The following PCM1 variants were observed in gnomAD, a reference collection of about 807,000 sequenced individuals.
The protein encoded by PCM1 is pericentriolar material 1 protein.
A neutral mutation model predicts 241.9 loss-of-function variants in PCM1; 157 were observed. That is an observed-to-expected ratio of 0.65 (90% confidence interval 0.57 to 0.74). The LOEUF is 0.74. PCM1 is among the 30% of genes least tolerant of loss of function. The probability of loss-of-function intolerance (pLI) is 0.00; values close to 1 mark genes in which losing one functional copy is unlikely to be tolerated. For synonymous variants in PCM1, 1,085 were observed against 784.9 expected, an observed-to-expected ratio of 1.38 and a Z score of -6.39; for missense variants, 3,478 against 2,360.1, an observed-to-expected ratio of 1.47 and a Z score of -9.81.
chr8:17,997,302 G>A (rs1344945564), intron 29 of PCM1, among the ~76,000 whole-genome samples: 2 of 152,044 alleles, frequency 1.3e-5, no homozygotes, highest in Non-Finnish European at 2.9e-5. Flanking sequence ...CTTTTCTCTT[G>A]CTGCTTTTAG....
At chr8:17,931,293 A>AT (rs1181905367) in intron 2 of PCM1, among the ~76,000 whole-genome samples, 1 of 151,758 alleles carries the variant, frequency 6.6e-6, no homozygotes, top group Non-Finnish European at 1.5e-5. Context: ...CTCCAGATAT[A>AT]TTCTTTTTTT....
chr8:18,004,082 T>C (rs922045763), intron 29 of PCM1, among the ~76,000 whole-genome samples: 10 of 152,164 alleles, frequency 6.6e-5, no homozygotes, highest in Admixed American at 3.9e-4. Flanking sequence ...ATCCTTATGC[T>C]TAGGGAGTGC....
At position 18,025,392 on chromosome 8, in the gene PCM1, C is replaced by G; in HGVS notation, c.5873C>G (p.Ser1958Cys). ...EAESGNISQKSDEEDFVKVED... is the reference protein window; with the variant it reads ...EAESGNISQKCDEEDFVKVED... The stretch of plus-strand genomic sequence containing the variant: ...GAATCTGGTAATATAAGTCAAAAGT[C>G]TGATGAAGAAGATTTTGTAAAAGTT... The change falls in exon 37 of 39, where the codon TCT becomes TGT. Residue 1958 changes from serine (S) to cysteine (C), a missense_variant. Coordinates refer to ENST00000325083, the MANE Select transcript of PCM1 (RefSeq NM_006197.4). 1 of 1,600,762 alleles carries G rather than the reference C, an allele frequency of 6.2e-7. No individual in the cohort carries two copies. The highest frequency in any genetic ancestry group is 8.5e-7 in the Non-Finnish European group (1 of 1,171,494).
In PCM1 at chr8:17,960,527, G is replaced by GTTTTTGTT; in HGVS notation, c.2322+88_2322+89insGTTTTTTT. The GTTTTTGTT allele has an allele frequency of 3.1e-5, 13 of 412,964 alleles. 1 individual carries two copies. The East Asian group carries it at 4.0e-4, about 13-fold the overall frequency. The allele number at this position is 412,964 out of a possible 1,614,324, so 25.6% of individuals were successfully genotyped here. The stretch of plus-strand genomic sequence containing the variant: ...ACTGAAAGTACTCTTTTTTGTTTTT[G>GTTTTTGTT]TTTTTCTTTTTTTTTGAGGCAGAGT... On this transcript the variant is annotated intron_variant, in intron 15 of 38. Coordinates refer to ENST00000325083, the MANE Select transcript of PCM1 (RefSeq NM_006197.4).
intron 7 of PCM1, among the ~76,000 whole-genome samples, chr8:17,948,104 T>C (rs1015239259): frequency 3.2e-4 from 49 of 152,224 alleles, no homozygotes; most frequent in African/African-American, 1.1e-3. Context: ...ACTGTCTGCT[T>C]TTAGTAATAA....
At chr8:17,935,758 C>A in intron 3 of PCM1, 52 bp downstream of exon 3, 2 of 867,032 alleles carry the variant, frequency 2.3e-6, no homozygotes, top group Non-Finnish European at 3.9e-6. Flanking sequence ...TGTTAAAATG[C>A]AGTTTTCCCC....
chr8:18,017,734 A>T (rs576933), intron 36 of PCM1, among the ~76,000 whole-genome samples: 118,771 of 152,154 alleles, frequency 0.78, 46,928 homozygotes, highest in African/African-American at 0.85. Context: ...ATGCCTGTAA[A>T]CCCAGCTACA....
chr8:17,966,941 T>C, intron 20 of PCM1, 39 bp from the exon 21 acceptor site: 1 of 1,526,976 alleles, frequency 6.5e-7, no homozygotes, highest in Non-Finnish European at 8.9e-7. Flanking sequence ...TATATGGCAA[T>C]ATAACTGATT....
rs200391906 is a variant in PCM1, at chr8:18,014,662, A to G, written c.5663A>G (p.His1888Arg). The G allele has an allele frequency of 6.9e-5, 111 of 1,613,882 alleles. No individual in the cohort carries two copies. Among genetic ancestry groups the G allele is most frequent in the Admixed American group, 2.0e-4 (12 of 60,018 alleles). ...EDEQPLNSAA[H>R]KESPPTVDST... ...GAGCAACCTTTAAATAGTGCTGCCCATAAGGAGTCACCTCCTACTGTTGAT... is the reference window on the plus strand; with the variant it reads ...GAGCAACCTTTAAATAGTGCTGCCCGTAAGGAGTCACCTCCTACTGTTGAT... The change falls in exon 36 of 39, where the codon CAT becomes CGT. Residue 1888 changes from histidine to arginine, a missense_variant. Coordinates refer to ENST00000325083, the MANE Select transcript of PCM1 (RefSeq NM_006197.4).
intron 23 of PCM1, among the ~76,000 whole-genome samples, chr8:17,979,707 A>T (rs1037210507): frequency 6.6e-6 from 1 of 152,222 alleles, no homozygotes; most frequent in Non-Finnish European, 1.5e-5. Flanking sequence ...GCATAAGATT[A>T]TTAAATACCA....
chr8:17,999,925 C>T (rs1282707404), intron 29 of PCM1, among the ~76,000 whole-genome samples: 1 of 152,054 alleles, frequency 6.6e-6, no homozygotes. Context: ...TAGCAGTGAA[C>T]AAGGCCTTTG....
rs768306380 is a variant in PCM1 at position 17,957,690 on chromosome 8, A to T, written c.1955A>T (p.Asp652Val). Residue 652 changes from aspartate (D) to valine (V), a missense_variant, in exon 13 of 39, where the codon GAT becomes GTT. Physicochemically the swap from Asp to Val is radical, Grantham distance 152 (BLOSUM62 -3). Coordinates refer to ENST00000325083, the MANE Select transcript of PCM1 (RefSeq NM_006197.4). ...RSSLVDEHPEDAEFEQKINRL... is the reference protein window; with the variant it reads ...RSSLVDEHPEVAEFEQKINRL... ...AGTCTGGTTGATGAGCATCCAGAAG[A>T]TGCTGAATTTGAACAGAAGATCAAC... The T allele has an allele frequency of 1.2e-6, 2 of 1,612,526 alleles. No individual in the cohort carries two copies. The highest frequency in any genetic ancestry group is 1.7e-6 in the Non-Finnish European group (2 of 1,179,210).
intron 34 of PCM1, 174 bp from the exon 35 acceptor site, chr8:18,013,790 T>G: frequency 1.8e-6 from 1 of 557,126 alleles, no homozygotes. Flanking sequence ...ACCCTTTAAC[T>G]TAGCCATCTT....
chr8:17,998,972 T>C (rs1188080873), intron 29 of PCM1, among the ~76,000 whole-genome samples: 3 of 152,056 alleles, frequency 2.0e-5, no homozygotes, highest in Admixed American at 1.3e-4. Flanking sequence ...TCTGCTAATA[T>C]TCATTTAAAG....
chr8:17,933,208 G>A (rs189252795), intron 2 of PCM1, among the ~76,000 whole-genome samples: 33 of 152,234 alleles, frequency 2.2e-4, no homozygotes, highest in Non-Finnish European at 2.6e-4. Context: ...AATAAAATGC[G>A]TTAGCTGTTA....
Position 17,931,656 on chromosome 8 carries a change from C to T in PCM1, c.-22-3933C>T, listed in dbSNP as rs563476500. On this transcript the variant is annotated intron_variant, in intron 2 of 38. Transcript: ENST00000325083. Reference sequence around the variant, plus strand: ...TAAAAATGATATGTAATAATTTTGACTTAAATATCTTAATTTTCCCTTCCA... The same window carrying T: ...TAAAAATGATATGTAATAATTTTGATTTAAATATCTTAATTTTCCCTTCCA... Among the ~76,000 whole-genome samples, 37 of 152,238 alleles carry T rather than the reference C, an allele frequency of 2.4e-4. 1 individual carries two copies. The East Asian group carries it at 7.1e-3, about 29-fold the overall frequency.
intron 28 of PCM1, among the ~76,000 whole-genome samples, chr8:17,992,579 A>T (rs1326353070): frequency 1.4e-5 from 2 of 144,456 alleles, no homozygotes; most frequent in African/African-American, 5.0e-5. Flanking sequence ...TTTTGAGAGG[A>T]GTTGTCTATA....
At chr8:18,002,311 G>A (rs1229015813) in intron 29 of PCM1, among the ~76,000 whole-genome samples, 2 of 4,262 alleles carry the variant, frequency 4.7e-4, no homozygotes, top group Non-Finnish European at 9.1e-4. Flanking sequence ...ACCTATGAGT[G>A]AGAATATGCG....
At chr8:18,024,216 A>AG (rs2093984086) in intron 36 of PCM1, among the ~76,000 whole-genome samples, 1 of 152,166 alleles carries the variant, frequency 6.6e-6, no homozygotes, top group Non-Finnish European at 1.5e-5. Flanking sequence ...AAAATTAAAA[A>AG]TTAGCCAGGC....
Sources: allele counts gnomAD v4.1 joint callset (sites outside exome capture counted in the v4.1 genomes callset), GRCh38; gene constraint gnomAD v4.1.1; transcripts MANE v1.5; gene names NCBI Gene and HGNC (gene_info 2026-07-23, HGNC 2026-07-21).